The following MAP3K5 variants were observed in gnomAD, a reference collection of about 807,000 sequenced individuals.
MAP3K5 encodes the protein ASK-1.
Under a neutral mutation model 158.7 loss-of-function variants are expected in MAP3K5, and 56 were observed. That is an observed-to-expected ratio of 0.35 (90% CI 0.28 to 0.44). MAP3K5 has a LOEUF of 0.44. Ranked by LOEUF, MAP3K5 falls within the 20% of genes least tolerant of loss-of-function variation. The probability of loss-of-function intolerance (pLI) is 1.00; values close to 1 mark genes in which losing one functional copy is unlikely to be tolerated. For synonymous variants in MAP3K5, 579 were observed against 601.7 expected (o/e 0.96, Z 0.55); for missense variants, 1,294 against 1,674.8 (o/e 0.77, Z 3.97).
intron 7 of MAP3K5, among the ~76,000 whole-genome samples, chr6:136,683,925 C>T (rs555132765): frequency 6.6e-6 from 1 of 152,216 alleles, no homozygotes; most frequent in Non-Finnish European, 1.5e-5. Flanking sequence ...TTTTTAATTT[C>T]ATCAGTTGCA....
chr6:136,729,336 T>C (rs1042375699), intron 1 of MAP3K5, among the ~76,000 whole-genome samples: 2 of 150,070 alleles, frequency 1.3e-5, no homozygotes, highest in African/African-American at 2.5e-5. Context: ...CGTCAGACAA[T>C]ACCTCGAACT....
chr6:136,585,962 G>T (rs1386566690), intron 23 of MAP3K5, among the ~76,000 whole-genome samples: 2 of 151,930 alleles, frequency 1.3e-5, no homozygotes, highest in Non-Finnish European at 2.9e-5. Flanking sequence ...TTCCTCCACT[G>T]GGCTGTGAAA....
intron 7 of MAP3K5, among the ~76,000 whole-genome samples, chr6:136,684,159 A>G (rs939415964): frequency 3.9e-5 from 6 of 151,926 alleles, no homozygotes; most frequent in African/African-American, 1.5e-4. Context: ...TGAGCCCAGG[A>G]GTTCAGGGCT....
At position 136,787,117 on chromosome 6, in the gene MAP3K5, C is replaced by A. The variant is rs188717492; in HGVS notation, c.448+4593G>T. On this transcript the variant is annotated intron_variant, in intron 1 of 29. Transcript: ENST00000359015. ...GTGGCTCACACCTGTAATCCCAGCT[C>A]TTAGGGAGGCAGAGGCAGGAGGATA... Among the ~76,000 whole-genome samples, 22 of 152,232 alleles carry A rather than the reference C, an allele frequency of 1.4e-4. No homozygotes were observed. The East Asian group carries it at 3.7e-3, about 25-fold the overall frequency.
At chr6:136,629,611 C>T (rs1363825043) in intron 14 of MAP3K5, among the ~76,000 whole-genome samples, 1 of 151,828 alleles carries the variant, frequency 6.6e-6, no homozygotes, top group Admixed American at 6.6e-5. Context: ...CCCGCCACCA[C>T]ACCCAGCTAA....
intron 1 of MAP3K5, among the ~76,000 whole-genome samples, chr6:136,753,036 G>A (rs1444630712): frequency 2.0e-5 from 3 of 152,016 alleles, no homozygotes; most frequent in African/African-American, 7.2e-5. Flanking sequence ...CCTAGCTCTA[G>A]CCTACCTCTG....
At chr6:136,749,908 T>C (rs1783126062) in intron 1 of MAP3K5, among the ~76,000 whole-genome samples, 1 of 152,088 alleles carries the variant, frequency 6.6e-6, no homozygotes, top group Admixed American at 6.6e-5. Flanking sequence ...AGCAGCTATA[T>C]CGGTAAACCA....
intron 2 of MAP3K5, among the ~76,000 whole-genome samples, chr6:136,705,778 G>T (rs1781049085): frequency 6.6e-6 from 1 of 152,150 alleles, no homozygotes; most frequent in African/African-American, 2.4e-5. Flanking sequence ...TCCTTGGGAG[G>T]AGGTTAAAAC....
At position 136,561,621 on chromosome 6, in the gene MAP3K5, T is replaced by A. The variant is rs753439800; in HGVS notation, c.3899A>T (p.His1300Leu). 3.7e-6 allele frequency: 6 copies of A among 1,611,438 alleles called. No homozygotes were observed. Among genetic ancestry groups the A allele is most frequent in the African/African-American group, 1.3e-5 (1 of 74,870 alleles). ...AGTATTTGTGCCAGAAGAATTTAGA[T>A]GAAATACAGGCAATTCAGGAATTTC... ...PIEIPELPVFHLNSSGTNTED... is the reference protein window; with the variant it reads ...PIEIPELPVFLLNSSGTNTED... Residue 1300 changes from histidine to leucine, a missense_variant, in exon 28 of 30, where the codon CAT (histidine) becomes CTT (leucine). Around this residue, in one of 5 missense-constraint regions of MAP3K5, gnomAD observed 199 missense variants for 220.3 expected, o/e 0.90. Coordinates refer to ENST00000359015, the MANE Select transcript of MAP3K5 (RefSeq NM_005923.4).
Position 136,694,195 on chromosome 6 carries a change from T to A in MAP3K5, c.1198A>T (p.Met400Leu). The A allele has an allele frequency of 6.2e-7, 1 of 1,613,876 alleles. No individual in the cohort carries two copies. The highest frequency in any genetic ancestry group is 1.1e-5 in the South Asian group (1 of 91,072). Residue 400 changes from methionine (M) to leucine (L), a missense_variant, in exon 7 of 30, where the codon ATG becomes TTG. By Grantham distance (15) the Met-to-Leu change is conservative. Around this residue, in one of 5 missense-constraint regions of MAP3K5, gnomAD observed 690 missense variants for 870.5 expected, o/e 0.79. Transcript: ENST00000359015. Reference protein sequence around the residue: ...YCLVGRIYKDMFLDSNFTDTE... With the variant: ...YCLVGRIYKDLFLDSNFTDTE... ...TCCGTGAAATTAGAGTCCAAAAACA[T>A]ATCTTTGTAGATTCGACCAACTAGG...
intron 1 of MAP3K5, among the ~76,000 whole-genome samples, chr6:136,759,857 G>C (rs1156688482): frequency 6.7e-6 from 1 of 149,916 alleles, no homozygotes; most frequent in Non-Finnish European, 1.5e-5. Context: ...AGGGTGGTGG[G>C]ATTATCATTA....
chr6:136,782,772 A>G (rs912686147), intron 1 of MAP3K5, among the ~76,000 whole-genome samples: 10 of 152,212 alleles, frequency 6.6e-5, no homozygotes, highest in Non-Finnish European at 1.5e-4. Context: ...TGTCTCCCCT[A>G]AGAAAATTAT....
At chr6:136,630,082 C>G (rs543842415) in intron 14 of MAP3K5, among the ~76,000 whole-genome samples, 1 of 152,108 alleles carries the variant, frequency 6.6e-6, no homozygotes. Flanking sequence ...GCTTCCCAGG[C>G]CTTCCTATCT....
At chr6:136,792,501 T>A, upstream of MAP3K5, 1 of 494,532 alleles carries the variant, frequency 2.0e-6, no homozygotes, top group Non-Finnish European at 2.6e-6. This position sits in a 1 kb window ranked among gnomAD's most constrained non-coding sequence, Gnocchi z 5.7. Flanking sequence ...GCGGTGCAGC[T>A]CAAGGGCGCC....
rs769882286 is a variant in MAP3K5 at position 136,592,162 on chromosome 6, A to C, written c.3225+11T>G. On this transcript the variant is annotated intron_variant, in intron 23 of 29. Transcript: ENST00000359015. ...ACCTTTGGGAAATGAAGCACCTGGG[A>C]GAGGATTTACCTGAGCTAAAGATTC... is the stretch of plus-strand genomic sequence containing the variant. 1 of 1,556,114 alleles carries C rather than the reference A, an allele frequency of 6.4e-7. No individual in the cohort carries two copies. The highest frequency in any genetic ancestry group is 2.3e-5 in the East Asian group (1 of 44,286).
At chr6:136,603,179 T>A (rs1775953269) in intron 19 of MAP3K5, among the ~76,000 whole-genome samples, 1 of 150,882 alleles carries the variant, frequency 6.6e-6, no homozygotes, top group Non-Finnish European at 1.5e-5. Flanking sequence ...ACAGGTACTT[T>A]TTTTTTTTTT....
chr6:136,608,181 A>G (rs1776182523), intron 18 of MAP3K5, among the ~76,000 whole-genome samples: 1 of 152,088 alleles, frequency 6.6e-6, no homozygotes. Flanking sequence ...GAAGAAGAGT[A>G]GGAAATGGGG....
intron 1 of MAP3K5, among the ~76,000 whole-genome samples, chr6:136,781,514 A>T (rs1202201079): frequency 6.6e-6 from 1 of 152,246 alleles, no homozygotes; most frequent in Non-Finnish European, 1.5e-5. Context: ...GTGGAACGGT[A>T]GTATAGAGAA....
At chr6:136,724,561 T>C (rs1583482309) in intron 1 of MAP3K5, among the ~76,000 whole-genome samples, 2 of 151,986 alleles carry the variant, frequency 1.3e-5, no homozygotes, top group Non-Finnish European at 2.9e-5. Context: ...ACATTTAAAA[T>C]AAATGGTGCA....
Sources: gnomAD v4.1 joint callset for allele counts (sites outside exome capture counted in the v4.1 genomes callset) on GRCh38, gnomAD v4.1.1 for gene constraint, gnomAD v4.1.1 regional missense constraint, Gnocchi (gnomAD v3.1) non-coding constraint, MANE v1.5 for transcripts, NCBI Gene and HGNC (gene_info 2026-07-23, HGNC 2026-07-21) for gene names.